Variants in GLYATL3 observed in about 807,000 individuals in gnomAD.
GLYATL3 encodes glycine N-acyltransferase-like protein 3.
In GLYATL3, 31 loss-of-function variants were observed where a neutral mutation model predicts 28.5. The observed-to-expected ratio is 1.09, with a 90% confidence interval of 0.82 to 1.47. The LOEUF is 1.47. GLYATL3 is among the 40% of genes most tolerant of loss of function. GLYATL3 has a pLI of 0.00. For synonymous variants in GLYATL3, 141 were observed against 140.2 expected (o/e 1.01, Z -0.04); for missense variants, 369 against 351.5 (o/e 1.05, Z -0.40).
intron 1 of GLYATL3, among the ~76,000 whole-genome samples, chr6:49,511,176 T>C (rs938392783): frequency 6.6e-6 from 1 of 152,174 alleles, no homozygotes; most frequent in Non-Finnish European, 1.5e-5. Context: ...TTTTCTTTAA[T>C]TCAGTCCATC....
intron 1 of GLYATL3, among the ~76,000 whole-genome samples, chr6:49,509,931 T>G (rs1171595242): frequency 8.2e-6 from 1 of 122,090 alleles, no homozygotes; most frequent in Admixed American, 7.8e-5. Flanking sequence ...TCTTGATATA[T>G]TTTACGTATT....
At chr6:49,517,051 G>A (rs1227016521) in intron 3 of GLYATL3, among the ~76,000 whole-genome samples, 1 of 150,390 alleles carries the variant, frequency 6.6e-6, no homozygotes, top group Non-Finnish European at 1.5e-5. Context: ...AGCTACTTAG[G>A]AGGCTGAAGC....
intron 1 of GLYATL3, among the ~76,000 whole-genome samples, chr6:49,503,430 G>T (rs2127430694): frequency 6.6e-6 from 1 of 152,322 alleles, no homozygotes; most frequent in African/African-American, 2.4e-5. Context: ...CTTTGGAGGG[G>T]CAACCCCTGC....
intron 4 of GLYATL3, among the ~76,000 whole-genome samples, chr6:49,521,314 G>A (rs1171280743): frequency 7.2e-5 from 11 of 152,022 alleles, no homozygotes; most frequent in East Asian, 1.9e-4. Context: ...CCTTTATTTC[G>A]TGGAGCTTAA....
intron 2 of GLYATL3, 140 bp downstream of exon 2, chr6:49,512,208 C>T: frequency 2.2e-6 from 1 of 455,490 alleles, no homozygotes. Context: ...TTCCCAGCTC[C>T]CTCCTGCTAG....
intron 2 of GLYATL3, among the ~76,000 whole-genome samples, chr6:49,514,034 A>T (rs1470423396): frequency 6.6e-6 from 1 of 152,244 alleles, no homozygotes; most frequent in Non-Finnish European, 1.5e-5. Flanking sequence ...GAAATCTAAC[A>T]CATGCTAGCT....
intron 4 of GLYATL3, 104 bp from the exon 5 acceptor site, chr6:49,521,541 C>A: frequency 2.2e-6 from 2 of 907,122 alleles, no homozygotes; most frequent in Non-Finnish European, 3.4e-6. Context: ...AGGTGGCAAA[C>A]TGCTAGTATT....
At position 49,505,362 on chromosome 6, in the gene GLYATL3, A is replaced by G. The variant is rs184422447; in HGVS notation, c.-29+5320A>G. The stretch of plus-strand genomic sequence containing the variant: ...CTACATAAGCTGAGTCAGAGACAAT[A>G]TTAAGAGGCTGACTAAAATCCTGTA... On this transcript the variant is annotated intron_variant, in intron 1 of 5. Coordinates refer to ENST00000371197, the MANE Select transcript of GLYATL3 (RefSeq NM_001010904.2). Among the ~76,000 whole-genome samples, 444 of 152,338 alleles carry G rather than the reference A, an allele frequency of 2.9e-3. 1 individual carries two copies. Among genetic ancestry groups the G allele is most frequent in the African/African-American group, 6.9e-3 (288 of 41,580 alleles).
intron 3 of GLYATL3, among the ~76,000 whole-genome samples, chr6:49,516,559 G>A (rs975819767): frequency 6.6e-6 from 1 of 152,008 alleles, no homozygotes; most frequent in African/African-American, 2.4e-5. Flanking sequence ...ATTCTTGGAG[G>A]TGAATCCACT....
chr6:49,509,960 TTCTTTCTTTC>T (rs1561976832), intron 1 of GLYATL3, among the ~76,000 whole-genome samples: 1 of 117,522 alleles, frequency 8.5e-6, no homozygotes, highest in Non-Finnish European at 2.0e-5. Flanking sequence ...CTTTCTTTCT[TTCTTTCTTTC>T]TTTCTTTCTT....
chr6:49,514,197 G>A (rs1271463393), intron 2 of GLYATL3, among the ~76,000 whole-genome samples: 1 of 152,038 alleles, frequency 6.6e-6, no homozygotes, highest in Admixed American at 6.5e-5. Context: ...ACCTCTCCCT[G>A]TTCCCTAAAA....
rs1479152108 is a variant in GLYATL3 at position 49,526,536 on chromosome 6, T to G, written c.489T>G (p.Asp163Glu). 6.4e-7 allele frequency: 1 copy of G among 1,551,738 alleles called. No homozygotes were observed. Among genetic ancestry groups the G allele is most frequent in the Non-Finnish European group, 8.7e-7 (1 of 1,146,988 alleles). ...RLTYLSVANA[D>E]LLNRTWSRGG... ...CCTACCTGAGTGTTGCCAATGCGGA[T>G]CTACTCAACCGGACTTGGTCCCGGG... The change falls in exon 6 of 6, where the codon GAT (aspartate) becomes GAG (glutamate). Residue 163 changes from aspartate (D) to glutamate (E), a missense_variant. Coordinates refer to ENST00000371197, the MANE Select transcript of GLYATL3 (RefSeq NM_001010904.2).
chr6:49,527,176 A>T lies in GLYATL3; in HGVS notation c.*262A>T. 2 of 405,028 alleles carry T rather than the reference A, an allele frequency of 4.9e-6. No homozygotes were observed. The highest frequency in any genetic ancestry group is 8.8e-6 in the Non-Finnish European group (2 of 226,730). The allele number at this position is 405,028 out of a possible 1,614,324, so 25.1% of individuals were successfully genotyped here. ...CCTGTAGGATCCACTGTAGGAGAAT[A>T]GGTTCTAAAGCCAGCAGTTTTAGTG... On this transcript the variant is annotated 3_prime_UTR_variant, in exon 6 of 6. Transcript: ENST00000371197.
rs561216221 is a variant in GLYATL3, at chr6:49,520,239, G to T, written c.314-1406G>T. ...AAATAAACTGAAAGAATCAAAGAGT[G>T]GGGGTAGGGATTGAAGGAAAACAGG... On this transcript the variant is annotated intron_variant, in intron 4 of 5. Transcript: ENST00000371197. Among the ~76,000 whole-genome samples, 64 of 152,044 alleles carry T rather than the reference G, an allele frequency of 4.2e-4. No homozygotes were observed. In the South Asian group the frequency reaches 0.012, roughly 30 times the overall value.
chr6:49,525,093 A>ATTTTTTTT lies in GLYATL3; in HGVS notation c.441-1386_441-1379dup, dbSNP rs10630585. On this transcript the variant is annotated intron_variant, in intron 5 of 5. Transcript: ENST00000371197. ...AACCACAGAAGTTCTATTCTAAAAC[A>ATTTTTTTT]TTTTTTTTTTTTTTTTATTGAGCAA... Among the ~76,000 whole-genome samples the ATTTTTTTT allele has an allele frequency of 8.5e-5, 12 of 141,354 alleles. 1 individual carries two copies. Among genetic ancestry groups the ATTTTTTTT allele is most frequent in the Non-Finnish European group, 6.1e-5 (4 of 65,852 alleles). The allele number at this position is 141,354 out of a possible 152,430, so 92.7% of individuals were successfully genotyped here. A position where few individuals can be genotyped will look rare whatever the true frequency, so the allele number is the denominator to read the frequency against.
chr6:49,517,499 C>G lies in GLYATL3; in HGVS notation c.256C>G (p.Arg86Gly). ...AVFYKDVRAY[R>G]QLLEECDVFN... Reference sequence around the variant, plus strand: ...GTTCTACAAGGATGTCAGGGCTTATCGACAGCTATTGGAAGAATGTGATGT... The same window carrying G: ...GTTCTACAAGGATGTCAGGGCTTATGGACAGCTATTGGAAGAATGTGATGT... Residue 86 changes from arginine (R) to glycine (G), a missense_variant, in exon 4 of 6, where the codon CGA becomes GGA. Physicochemically the swap from Arg to Gly is moderately radical, Grantham distance 125. Coordinates refer to ENST00000371197, the MANE Select transcript of GLYATL3 (RefSeq NM_001010904.2). 1 of 1,550,458 alleles carries G rather than the reference C, an allele frequency of 6.4e-7. No individual in the cohort carries two copies.
chr6:49,508,144 A>AT (rs1375161886), intron 1 of GLYATL3, among the ~76,000 whole-genome samples: 1 of 151,858 alleles, frequency 6.6e-6, no homozygotes, highest in African/African-American at 2.4e-5. Flanking sequence ...AAAATTTAAA[A>AT]AATTAGCCGG....
At position 49,521,773 on chromosome 6, in the gene GLYATL3, T is replaced by G; in HGVS notation, c.440+2T>G. The G allele has an allele frequency of 1.3e-6, 2 of 1,550,788 alleles. No individual in the cohort carries two copies. Among genetic ancestry groups the G allele is most frequent in the Non-Finnish European group, 1.7e-6 (2 of 1,146,610 alleles). ...ATCTCTGCCAGATACCAGTTTCCTGTATGTAAACCAAGTTTTTGCATTTGG... is the reference window on the plus strand; with the variant it reads ...ATCTCTGCCAGATACCAGTTTCCTGGATGTAAACCAAGTTTTTGCATTTGG... On this transcript the variant is annotated splice_donor_variant, in intron 5 of 5. Transcript: ENST00000371197. LOFTEE classifies it high-confidence loss of function.
Position 49,527,503 on chromosome 6 carries a change from A to G in GLYATL3, c.*589A>G, listed in dbSNP as rs529810675. ...AATGTTCAAATATAGTGGTTCTTAC[A>G]TTTTAGTGTTTATCAGAATCACCCA... On this transcript the variant is annotated 3_prime_UTR_variant, in exon 6 of 6. Coordinates refer to ENST00000371197, the MANE Select transcript of GLYATL3 (RefSeq NM_001010904.2). Among the ~76,000 whole-genome samples, 101 of 152,240 alleles carry G rather than the reference A, an allele frequency of 6.6e-4. No individual in the cohort carries two copies. Among genetic ancestry groups the G allele is most frequent in the African/African-American group, 2.2e-3 (91 of 41,540 alleles).
Sources: allele counts gnomAD v4.1 joint callset (sites outside exome capture counted in the v4.1 genomes callset), GRCh38; gene constraint gnomAD v4.1.1; transcripts MANE v1.5; gene names NCBI Gene and HGNC (gene_info 2026-07-23, HGNC 2026-07-21).